Variants in ANKS1A observed in about 807,000 individuals in gnomAD.
ANKS1A encodes the protein ankyrin repeat and sterile alpha motif domain containing 1A, also known as ankyrin repeat and SAM domain-containing protein 1A.
A neutral mutation model predicts 120.3 loss-of-function variants in ANKS1A; 55 were observed. The observed-to-expected ratio is 0.46, with a 90% confidence interval of 0.37 to 0.57. The LOEUF (loss-of-function observed/expected upper bound fraction) is 0.57, where lower values mean the gene tolerates loss of function less well. Ranked by LOEUF, ANKS1A falls within the 20% of genes least tolerant of loss-of-function variation. ANKS1A has a pLI of 0.00. For missense variants in ANKS1A, 1,123 were observed against 1,480.3 expected (o/e 0.76, Z 3.96); for synonymous variants, 590 against 604.7 (o/e 0.98, Z 0.36).
intron 1 of ANKS1A, among the ~76,000 whole-genome samples, chr6:34,916,285 G>A (rs753019580): frequency 5.9e-5 from 9 of 152,078 alleles, no homozygotes; most frequent in Admixed American, 2.0e-4. Flanking sequence ...GAGCCACTGC[G>A]CCCAGCCCAT....
At chr6:35,004,326 T>A (rs755576046) in intron 10 of ANKS1A, among the ~76,000 whole-genome samples, 6 of 152,140 alleles carry the variant, frequency 3.9e-5, no homozygotes, top group Non-Finnish European at 8.8e-5. Flanking sequence ...GGAAATTTTT[T>A]AAATTACATT....
intron 1 of ANKS1A, among the ~76,000 whole-genome samples, chr6:34,959,262 G>A (rs1036492255): frequency 6.6e-6 from 1 of 152,144 alleles, no homozygotes; most frequent in African/African-American, 2.4e-5. Flanking sequence ...AGAGATTGTT[G>A]CCATTCTTAA....
chr6:34,896,603 C>T (rs1767098647), intron 1 of ANKS1A, among the ~76,000 whole-genome samples: 1 of 152,130 alleles, frequency 6.6e-6, no homozygotes, highest in African/African-American at 2.4e-5. Flanking sequence ...CTGAGTAAGG[C>T]ATTTACTTAG....
intron 8 of ANKS1A, among the ~76,000 whole-genome samples, chr6:34,988,807 A>G (rs1001410572): frequency 1.3e-5 from 2 of 152,212 alleles, no homozygotes; most frequent in Non-Finnish European, 2.9e-5. Flanking sequence ...TTGATTTGTT[A>G]GAACAAATTT....
chr6:35,068,176 G>A (rs996851976), intron 13 of ANKS1A, among the ~76,000 whole-genome samples: 2 of 152,182 alleles, frequency 1.3e-5, no homozygotes, highest in African/African-American at 2.4e-5. Context: ...TTACAGGCGT[G>A]AGCCACCGCA....
intron 12 of ANKS1A, 73 bp downstream of exon 12, chr6:35,054,238 A>AGAG: frequency 7.0e-7 from 1 of 1,427,724 alleles, no homozygotes; most frequent in Non-Finnish European, 9.9e-7. Context: ...GCTTTCCTCT[A>AGAG]ACACAGAAGA....
chr6:35,001,143 A>T (rs374934370), intron 10 of ANKS1A, among the ~76,000 whole-genome samples: 2 of 152,358 alleles, frequency 1.3e-5, no homozygotes, highest in East Asian at 3.9e-4. Context: ...TAAAGGTAAA[A>T]TTTAGCTTAT....
chr6:34,937,071 A>G (rs1769291598), intron 1 of ANKS1A, among the ~76,000 whole-genome samples: 1 of 152,182 alleles, frequency 6.6e-6, no homozygotes, highest in African/African-American at 2.4e-5. Flanking sequence ...TTACTCTATT[A>G]AACAGGTAAA....
chr6:34,973,857 TGCC>T (rs1771311388), intron 3 of ANKS1A, among the ~76,000 whole-genome samples: 2 of 81,498 alleles, frequency 2.5e-5, no homozygotes, highest in African/African-American at 6.8e-5. Context: ...CCCTTCCCCT[TGCC>T]CTCCCCTTCC....
chr6:34,922,973 G>A (rs1387202510), intron 1 of ANKS1A, among the ~76,000 whole-genome samples: 1 of 152,154 alleles, frequency 6.6e-6, no homozygotes, highest in African/African-American at 2.4e-5. Context: ...TTACAGGTGT[G>A]AGCCACTGTG....
intron 1 of ANKS1A, among the ~76,000 whole-genome samples, chr6:34,964,825 A>T (rs1770815366): frequency 6.6e-6 from 1 of 152,182 alleles, no homozygotes; most frequent in African/African-American, 2.4e-5. Flanking sequence ...TCCCAAAGGA[A>T]TTTACCAGTT....
chr6:34,991,856 A>G (rs1169493876), intron 9 of ANKS1A, among the ~76,000 whole-genome samples: 3 of 11,498 alleles, frequency 2.6e-4, no homozygotes, highest in South Asian at 2.8e-3. Flanking sequence ...GAGGAAAGGA[A>G]AAAAAAAAAA....
At position 34,967,239 on chromosome 6, in the gene ANKS1A, C is replaced by T. The variant is rs774910506; in HGVS notation, c.198C>T (p.Ser66=). Residue 66 remains serine, a splice_region_variant and synonymous_variant, in exon 2 of 24, where the codon AGC becomes AGT. Coordinates refer to ENST00000360359, the MANE Select transcript of ANKS1A (RefSeq NM_015245.3). ...SSSHPLSSLL[S]MWRGPNVNCV... ...TCTCTCTTTTTTTTTTCCCTGATAGCATGTGGAGAGGGCCAAATGTGAACT... is the reference window on the plus strand; with the variant it reads ...TCTCTCTTTTTTTTTTCCCTGATAGTATGTGGAGAGGGCCAAATGTGAACT... The T allele has an allele frequency of 3.1e-6, 5 of 1,612,270 alleles. No individual in the cohort carries two copies. In the East Asian group the frequency reaches 8.9e-5, roughly 29 times the overall value.
chr6:34,915,472 G>A (rs995986406), intron 1 of ANKS1A, among the ~76,000 whole-genome samples: 7 of 151,974 alleles, frequency 4.6e-5, no homozygotes, highest in South Asian at 2.1e-4. Context: ...CCAACCTCCC[G>A]AGTAGCTAGG....
chr6:34,942,418 T>C (rs1025712515), intron 1 of ANKS1A, among the ~76,000 whole-genome samples: 45 of 152,254 alleles, frequency 3.0e-4, no homozygotes, highest in African/African-American at 9.6e-4. Context: ...TGATGTGACT[T>C]ACTGGCTTCT....
chr6:35,094,965 C>A (rs1214390817), downstream of ANKS1A, among the ~76,000 whole-genome samples: 1 of 151,342 alleles, frequency 6.6e-6, no homozygotes, highest in Admixed American at 6.6e-5. Flanking sequence ...CATAGTGGGA[C>A]CCTGTCTCTA....
chr6:34,933,433 C>T (rs576184576), intron 1 of ANKS1A, among the ~76,000 whole-genome samples: 6 of 152,204 alleles, frequency 3.9e-5, no homozygotes, highest in Non-Finnish European at 8.8e-5. Context: ...TGCAATGGCG[C>T]GATCTCGTCT....
chr6:34,911,879 T>C (rs1439800342), intron 1 of ANKS1A, among the ~76,000 whole-genome samples: 3 of 152,128 alleles, frequency 2.0e-5, no homozygotes, highest in African/African-American at 4.8e-5. Flanking sequence ...ATAATAAAAC[T>C]ACAGGATAGG....
intron 13 of ANKS1A, among the ~76,000 whole-genome samples, chr6:35,065,160 C>A (rs1426773761): frequency 3.3e-5 from 5 of 152,102 alleles, no homozygotes; most frequent in Admixed American, 3.3e-4. Flanking sequence ...GCAAGTGAGA[C>A]AAGGGACAGG....
Sources: allele counts gnomAD v4.1 joint callset (sites outside exome capture counted in the v4.1 genomes callset), GRCh38; gene constraint gnomAD v4.1.1; transcripts MANE v1.5; gene names NCBI Gene and HGNC (gene_info 2026-07-23, HGNC 2026-07-21).